The following UBR4 variants were observed in gnomAD, a reference collection of about 807,000 sequenced individuals.
The protein encoded by UBR4 is ubiquitin protein ligase E3 component n-recognin 4.
UBR4 carries 124 observed loss-of-function variants against 575.6 expected under a neutral mutation model. The ratio of observed to expected loss-of-function variants is 0.22; its 90% CI spans 0.19 to 0.25. The LOEUF is 0.25. Among genes scored for constraint, UBR4 ranks in the 10% least tolerant of loss-of-function variants. UBR4 has a pLI of 1.00. For missense variants in UBR4, 4,818 were observed against 6,478.8 expected (o/e 0.74, Z 8.80); for synonymous variants, 2,455 against 2,473.7 (o/e 0.99, Z 0.22).
chr1:19,110,046 G>C lies in UBR4; in HGVS notation c.12105+50C>G. The C allele has an allele frequency of 6.2e-7, 1 of 1,610,566 alleles. No individual in the cohort carries two copies. The highest frequency in any genetic ancestry group is 2.1e-4 in the Middle Eastern group (1 of 4,858). Reference sequence around the variant, plus strand: ...GCAGGGCACACTGCCAGGGAATGAGGAGGGTGGCCGCCCTGCCCTTCCTTG... The same window carrying C: ...GCAGGGCACACTGCCAGGGAATGAGCAGGGTGGCCGCCCTGCCCTTCCTTG... On this transcript the variant is annotated intron_variant, in intron 81 of 105. Coordinates refer to ENST00000375254, the MANE Select transcript of UBR4 (RefSeq NM_020765.3). This position sits in a 1 kb window ranked among gnomAD's most constrained non-coding sequence, Gnocchi z 4.5.
chr1:19,147,807 C>G (rs1426905084), intron 51 of UBR4, among the ~76,000 whole-genome samples, 186 bp downstream of exon 51: 1 of 152,210 alleles, frequency 6.6e-6, no homozygotes, highest in East Asian at 1.9e-4. Flanking sequence ...GGCCCAGTCA[C>G]TGGCTTACCC....
At chr1:19,143,446 T>C (rs1196121559) in intron 55 of UBR4, among the ~76,000 whole-genome samples, 2 of 152,252 alleles carry the variant, frequency 1.3e-5, no homozygotes, top group Non-Finnish European at 2.9e-5. Flanking sequence ...TAAAATGTTA[T>C]GCCCTTGACT....
At position 19,120,281 on chromosome 1, in the gene UBR4, G is replaced by T. The variant is rs555570179; in HGVS notation, c.10209C>A (p.Ala3403=). The change falls in exon 69 of 106, where the codon GCC becomes GCA. Residue 3403 remains alanine, a synonymous_variant. Transcript: ENST00000375254. Reference sequence around the variant, plus strand: ...GGAACTGGATCAGGGTTTCCTTATCGGCAAATTTGTTCAGCTGGTTCACCA... The same window carrying T: ...GGAACTGGATCAGGGTTTCCTTATCTGCAAATTTGTTCAGCTGGTTCACCA... ...TALVNQLNKF[A]DKETLIQFLR... 2 of 1,614,072 alleles carry T rather than the reference G, an allele frequency of 1.2e-6. No homozygotes were observed. Among genetic ancestry groups the T allele is most frequent in the Admixed American group, 3.3e-5 (2 of 60,020 alleles).
chr1:19,133,785 A>C (rs552289251), intron 60 of UBR4, among the ~76,000 whole-genome samples: 1 of 152,064 alleles, frequency 6.6e-6, no homozygotes, highest in Non-Finnish European at 1.5e-5. Context: ...GTCTCAACAA[A>C]AAAAAAAACT....
intron 87 of UBR4, 25 bp downstream of exon 87, chr1:19,104,059 G>A (rs761174115): frequency 6.2e-7 from 1 of 1,612,164 alleles, no homozygotes; most frequent in South Asian, 1.1e-5. Context: ...AGTGCCTTAG[G>A]CTCCAGGCCA....
chr1:19,202,103 G>A (rs890598627), intron 1 of UBR4, among the ~76,000 whole-genome samples: 1 of 152,096 alleles, frequency 6.6e-6, no homozygotes, highest in African/African-American at 2.4e-5. Flanking sequence ...TGAGGCAGGA[G>A]AATTGCTTGA....
At chr1:19,079,117 T>C (rs2076236571) in intron 103 of UBR4, 1 of 152,136 alleles carries the variant, frequency 6.6e-6, no homozygotes, top group Non-Finnish European at 1.5e-5. Context: ...AATGCATGGG[T>C]ATATATAAGA....
chr1:19,166,311 G>A (rs775564416), intron 29 of UBR4, among the ~76,000 whole-genome samples: 3 of 152,114 alleles, frequency 2.0e-5, no homozygotes, highest in African/African-American at 4.8e-5. Flanking sequence ...CTGTGGGACC[G>A]CCCATTCCAC....
intron 86 of UBR4, 82 bp from the exon 87 acceptor site, chr1:19,104,339 C>G: frequency 6.6e-7 from 1 of 1,526,572 alleles, no homozygotes; most frequent in East Asian, 2.3e-5. Flanking sequence ...TTATGAGCAA[C>G]TCAAAAAGCA....
chr1:19,164,108 A>G, intron 33 of UBR4, 145 bp downstream of exon 33: 1 of 883,086 alleles, frequency 1.1e-6, no homozygotes, highest in Non-Finnish European at 1.7e-6. Flanking sequence ...AAGTGAACAG[A>G]GCTATTTGCT....
intron 15 of UBR4, among the ~76,000 whole-genome samples, chr1:19,184,567 C>A (rs1381092263): frequency 1.3e-5 from 2 of 152,178 alleles, no homozygotes; most frequent in Non-Finnish European, 2.9e-5. Context: ...TAGCTCTTCT[C>A]TATTAAAATT....
In UBR4 at chr1:19,114,668, T is replaced by G. The variant is rs1304507962; in HGVS notation, c.11202+143A>C. The G allele has an allele frequency of 2.9e-6, 3 of 1,038,370 alleles. No homozygotes were observed. The African/African-American group carries it at 4.8e-5, about 17-fold the overall frequency. 64.3% of individuals were successfully genotyped at this position (1,038,370 alleles called of 1,614,324 possible). On this transcript the variant is annotated intron_variant, in intron 75 of 105. Coordinates refer to ENST00000375254, the MANE Select transcript of UBR4 (RefSeq NM_020765.3). ...CAATATACCTCATGCCATTCTTTGC[T>G]CCCACCCAAAAGCTGGGCCCTGAAA...
chr1:19,187,516 T>C lies in UBR4; in HGVS notation c.1419A>G (p.Ser473=). Residue 473 remains serine, a synonymous_variant, in exon 12 of 106, where the codon TCA becomes TCG. Coordinates refer to ENST00000375254, the MANE Select transcript of UBR4 (RefSeq NM_020765.3). ...GKGHQGFGVL[S]VILANHAIKL... Reference sequence around the variant, plus strand: ...TGATGGCATGGTTTGCCAATATTACTGAGAGTACCCCAAATCCCTGATGCC... The same window carrying C: ...TGATGGCATGGTTTGCCAATATTACCGAGAGTACCCCAAATCCCTGATGCC... 1.2e-6 allele frequency: 2 copies of C among 1,613,782 alleles called. No individual in the cohort carries two copies. Among genetic ancestry groups the C allele is most frequent in the Non-Finnish European group, 1.7e-6 (2 of 1,179,992 alleles).
At position 19,165,309 on chromosome 1, in the gene UBR4, T is replaced by C. The variant is rs376922820; in HGVS notation, c.4252A>G (p.Asn1418Asp). The change falls in exon 31 of 106, where the codon AAC (asparagine) becomes GAC (aspartate). Residue 1418 changes from asparagine to aspartate, a missense_variant. Physicochemically the swap from Asn to Asp is conservative, Grantham distance 23. This residue lies in a region of UBR4 where 1,172 missense variants were observed against 1,259.7 expected (regional missense o/e 0.93). Transcript: ENST00000375254. Reference protein sequence around the residue: ...VQIMMATANENLSAKFCNRVL... With the variant: ...VQIMMATANEDLSAKFCNRVL... ...CGGTTACAGAATTTAGCAGAGAGGT[T>C]CTCATTGGCTGTTGCCATCATGATC... 114 of 1,614,094 alleles carry C rather than the reference T, an allele frequency of 7.1e-5. No homozygotes were observed. Among genetic ancestry groups the C allele is most frequent in the Non-Finnish European group, 8.3e-5 (98 of 1,180,042 alleles).
At chr1:19,201,980 G>C (rs1023755007) in intron 1 of UBR4, among the ~76,000 whole-genome samples, 165 bp from the exon 2 acceptor site, 1 of 152,134 alleles carries the variant, frequency 6.6e-6, no homozygotes, top group Non-Finnish European at 1.5e-5. Flanking sequence ...ATCACCTGAG[G>C]TCAGGAGTTC....
chr1:19,177,813 A>G, intron 18 of UBR4, 70 bp from the exon 19 acceptor site: 2 of 1,497,294 alleles, frequency 1.3e-6, no homozygotes, highest in South Asian at 2.6e-5. Flanking sequence ...AATGTCAAGC[A>G]CTAGAAGAGT....
intron 2 of UBR4, among the ~76,000 whole-genome samples, chr1:19,200,587 C>T (rs1238873789): frequency 6.6e-6 from 1 of 151,658 alleles, no homozygotes; most frequent in African/African-American, 2.4e-5. Flanking sequence ...CCCATCTCTA[C>T]CAAAAATACA....
intron 92 of UBR4, 66 bp from the exon 93 acceptor site, chr1:19,095,718 GA>G (rs1323065771): frequency 1.4e-6 from 2 of 1,466,002 alleles, no homozygotes; most frequent in African/African-American, 2.8e-5. Flanking sequence ...GGGCCAGTAG[GA>G]AAGGGATGTC....
intron 38 of UBR4, 50 bp from the exon 39 acceptor site, chr1:19,160,331 CA>C: frequency 6.9e-7 from 1 of 1,453,260 alleles, no homozygotes; most frequent in Non-Finnish European, 9.2e-7. Context: ...AAAAGAAAAA[CA>C]ATGGATAATA....
Sources: gnomAD v4.1 joint callset for allele counts (sites outside exome capture counted in the v4.1 genomes callset) on GRCh38, gnomAD v4.1.1 for gene constraint, gnomAD v4.1.1 regional missense constraint, Gnocchi (gnomAD v3.1) non-coding constraint, MANE v1.5 for transcripts, NCBI Gene and HGNC (gene_info 2026-07-23, HGNC 2026-07-21) for gene names.